The following ANK3 variants were observed in gnomAD, a reference collection of about 807,000 sequenced individuals.
ANK3 encodes the protein ankyrin 3, also known as ankyrin-3.
A neutral mutation model predicts 370.9 loss-of-function variants in ANK3; 57 were observed. That is an observed-to-expected ratio of 0.15 (90% confidence interval 0.12 to 0.19). The LOEUF (loss-of-function observed/expected upper bound fraction) is 0.19, where lower values mean the gene tolerates loss of function less well. ANK3 is among the 10% of genes least tolerant of loss of function. ANK3 has a pLI of 1.00. For synonymous variants in ANK3, 1,929 were observed against 1,946.3 expected (o/e 0.99, Z 0.23); for missense variants, 4,439 against 5,302.1 (o/e 0.84, Z 5.06).
intron 2 of ANK3, among the ~76,000 whole-genome samples, chr10:60,473,671 G>A (rs192540423): frequency 3.3e-5 from 5 of 152,084 alleles, no homozygotes; most frequent in South Asian, 2.1e-4. Flanking sequence ...ACCTCAATAG[G>A]CTTGGGGTGA....
intron 7 of ANK3, among the ~76,000 whole-genome samples, chr10:60,249,870 G>A (rs761070321): frequency 4.6e-5 from 7 of 152,138 alleles, no homozygotes; most frequent in East Asian, 1.9e-4. Flanking sequence ...CACAGGTCAC[G>A]CACTGAGGCG....
At chr10:60,417,032 G>A (rs1240011168) in intron 2 of ANK3, among the ~76,000 whole-genome samples, 1 of 152,198 alleles carries the variant, frequency 6.6e-6, no homozygotes, top group Non-Finnish European at 1.5e-5. Flanking sequence ...AGAAAGGATG[G>A]CTGAGAGAAG....
chr10:60,428,090 C>T (rs1567032461), intron 2 of ANK3, among the ~76,000 whole-genome samples: 1 of 152,116 alleles, frequency 6.6e-6, no homozygotes. Context: ...TCTTCTAATA[C>T]CCAATTCTGA....
chr10:60,218,295 T>C (rs2096979977), intron 8 of ANK3, among the ~76,000 whole-genome samples: 1 of 152,152 alleles, frequency 6.6e-6, no homozygotes, highest in Non-Finnish European at 1.5e-5. Context: ...AAGGTTAGTA[T>C]TGTTATATGT....
At chr10:60,621,421 T>C (rs2078335344) in intron 1 of ANK3, among the ~76,000 whole-genome samples, 1 of 152,210 alleles carries the variant, frequency 6.6e-6, no homozygotes, top group Non-Finnish European at 1.5e-5. Flanking sequence ...TCTCCAAATA[T>C]ATCATTTTAA....
chr10:60,176,457 A>G (rs1051793042), intron 18 of ANK3, among the ~76,000 whole-genome samples: 1 of 151,856 alleles, frequency 6.6e-6, no homozygotes, highest in African/African-American at 2.4e-5. Context: ...CGCTTCTGAT[A>G]CCCCTTATAA....
chr10:60,546,134 C>T (rs975904462), intron 2 of ANK3, among the ~76,000 whole-genome samples: 4 of 152,180 alleles, frequency 2.6e-5, no homozygotes, highest in Admixed American at 6.5e-5. Context: ...TTCCTGGGCT[C>T]AAGCAATCCT....
intron 2 of ANK3, among the ~76,000 whole-genome samples, chr10:60,414,403 C>A (rs1023379928): frequency 3.9e-5 from 6 of 152,106 alleles, no homozygotes; most frequent in African/African-American, 1.4e-4. Flanking sequence ...CAGGAACATG[C>A]AACTTTATAA....
chr10:60,226,574 GTATA>G (rs2097164845), intron 8 of ANK3, among the ~76,000 whole-genome samples: 1 of 8,558 alleles, frequency 1.2e-4, no homozygotes, highest in Non-Finnish European at 2.3e-4. Flanking sequence ...CATAGTATAT[GTATA>G]TATACTATGT....
At chr10:60,052,753 G>A (rs1292057307) in intron 42 of ANK3, among the ~76,000 whole-genome samples, 2 of 151,756 alleles carry the variant, frequency 1.3e-5, no homozygotes, top group African/African-American at 4.8e-5. Context: ...TATCTTTGAA[G>A]TTAATTCATT....
intron 1 of ANK3, among the ~76,000 whole-genome samples, chr10:60,696,046 G>A (rs971639488): frequency 4.1e-4 from 62 of 150,466 alleles, no homozygotes; most frequent in African/African-American, 1.4e-3. Context: ...TCAAATAGAC[G>A]CAATAAAAAA....
intron 7 of ANK3, among the ~76,000 whole-genome samples, chr10:60,238,163 A>G (rs948716977): frequency 6.6e-6 from 1 of 152,194 alleles, no homozygotes; most frequent in Non-Finnish European, 1.5e-5. Context: ...GACTACTCAT[A>G]TTTTGATTCC....
intron 43 of ANK3, among the ~76,000 whole-genome samples, chr10:60,041,797 C>T (rs2076130665): frequency 1.3e-5 from 2 of 152,310 alleles, no homozygotes; most frequent in South Asian, 4.1e-4. Context: ...CATAAAATTA[C>T]AGGCAGTGAA....
In ANK3 at chr10:60,418,844, AC is replaced by A. The variant is rs569506546; in HGVS notation, c.97-139206del. On this transcript the variant is annotated intron_variant, in intron 2 of 43. Coordinates refer to the ANK3 transcript ENST00000373827. ...TTAATTCCTGTATTTATTTAGGGTG[AC>A]CTTTTCAAACGTATAAAACACCCTG... Among the ~76,000 whole-genome samples the A allele has an allele frequency of 2.8e-3, 419 of 152,204 alleles. 1 individual carries two copies. The highest frequency in any genetic ancestry group is 4.1e-3 in the Non-Finnish European group (281 of 68,004).
intron 1 of ANK3, among the ~76,000 whole-genome samples, chr10:60,303,389 ATG>A (rs2044263064): frequency 1.3e-5 from 2 of 152,240 alleles, no homozygotes; most frequent in African/African-American, 4.8e-5. Context: ...AATTTAAAAA[ATG>A]GGCAAAGAAC....
chr10:60,306,453 A>C (rs1593407129), intron 1 of ANK3, among the ~76,000 whole-genome samples: 4 of 13,328 alleles, frequency 3.0e-4, no homozygotes, highest in East Asian at 2.1e-3. Flanking sequence ...ATATATATAT[A>C]TCTATCTTTA....
intron 1 of ANK3, among the ~76,000 whole-genome samples, chr10:60,640,120 G>C (rs1324814727): frequency 6.6e-6 from 1 of 152,000 alleles, no homozygotes; most frequent in African/African-American, 2.4e-5. Context: ...GTAAAAACAG[G>C]CATTTTATAA....
At chr10:60,463,575 C>T (rs900803396) in intron 2 of ANK3, among the ~76,000 whole-genome samples, 2 of 151,964 alleles carry the variant, frequency 1.3e-5, no homozygotes, top group Admixed American at 1.3e-4. Context: ...ATTGAACATA[C>T]ATTAAAATTC....
At chr10:60,168,267 C>A (rs1412720885) in intron 21 of ANK3, among the ~76,000 whole-genome samples, 1 of 152,178 alleles carries the variant, frequency 6.6e-6, no homozygotes, top group Non-Finnish European at 1.5e-5. Flanking sequence ...CTCAGGTGAT[C>A]CACCTGCCTC....
Sources: gnomAD v4.1 joint callset for allele counts (sites outside exome capture counted in the v4.1 genomes callset) on GRCh38, gnomAD v4.1.1 for gene constraint, MANE v1.5 for transcripts, NCBI Gene and HGNC (gene_info 2026-07-23, HGNC 2026-07-21) for gene names.